TLN2: variants seen among roughly 807,000 people sequenced by gnomAD.
TLN2 encodes talin-2.
TLN2 carries 118 observed loss-of-function variants against 294.7 expected under a neutral mutation model. The observed-to-expected ratio is 0.40, with a 90% CI of 0.34 to 0.47. The LOEUF (loss-of-function observed/expected upper bound fraction) is 0.47, where lower values mean the gene tolerates loss of function less well. TLN2 is among the 20% of genes least tolerant of loss of function. TLN2 has a pLI of 0.84. For missense variants in TLN2, 3,083 were observed against 3,282.2 expected (o/e 0.94, Z 1.48); for synonymous variants, 1,431 against 1,304.5 (o/e 1.10, Z -2.09).
At chr15:62,590,709 G>C (rs1427120561) in intron 2 of TLN2, among the ~76,000 whole-genome samples, 3 of 152,170 alleles carry the variant, frequency 2.0e-5, no homozygotes, top group African/African-American at 4.8e-5. Flanking sequence ...TCCTGGGGGG[G>C]TTGTGTGATC....
intron 12 of TLN2, among the ~76,000 whole-genome samples, chr15:62,690,886 C>T (rs1198396762): frequency 6.6e-5 from 10 of 151,818 alleles, no homozygotes; most frequent in East Asian, 5.8e-4. Context: ...TGGCGGTGCG[C>T]GCCTGCAATC....
At chr15:62,405,799 T>A (rs1595734327) in intron 1 of TLN2, among the ~76,000 whole-genome samples, 1 of 152,158 alleles carries the variant, frequency 6.6e-6, no homozygotes, top group African/African-American at 2.4e-5. Flanking sequence ...GGGATGGATT[T>A]TAACAGTAAT....
intron 1 of TLN2, among the ~76,000 whole-genome samples, chr15:62,409,381 A>G (rs2033625758): frequency 6.6e-6 from 1 of 152,218 alleles, no homozygotes; most frequent in African/African-American, 2.4e-5. Context: ...CAGTAGGGTT[A>G]TAAATACTGT....
chr15:62,617,349 CATTCCTTGG>C (rs1443322352), intron 2 of TLN2, among the ~76,000 whole-genome samples: 1 of 152,090 alleles, frequency 6.6e-6, no homozygotes, highest in Non-Finnish European at 1.5e-5. Flanking sequence ...CTCCTGGAAC[CATTCCTTGG>C]ATTCCTTGGT....
chr15:62,514,871 C>G (rs979012848), intron 1 of TLN2, among the ~76,000 whole-genome samples: 1 of 152,138 alleles, frequency 6.6e-6, no homozygotes, highest in Non-Finnish European at 1.5e-5. Context: ...AAACTTTCAA[C>G]TTTCCCAGAA....
At position 62,842,560 on chromosome 15, in the gene TLN2, A is replaced by G. The variant is rs754141269; in HGVS notation, c.*1950A>G. ...AGCCCACCCCACCCTCTGCTCTTCTATGCTGTGCCCAGGGCAGCTGCCCTC... is the reference window on the plus strand; with the variant it reads ...AGCCCACCCCACCCTCTGCTCTTCTGTGCTGTGCCCAGGGCAGCTGCCCTC... On this transcript the variant is annotated 3_prime_UTR_variant, in exon 59 of 59. Transcript: ENST00000636159. 1 of 133,314 alleles carries G rather than the reference A, an allele frequency of 7.5e-6. No homozygotes were observed. The highest frequency in any genetic ancestry group is 2.9e-5 in the African/African-American group (1 of 34,154). The allele number at this position is 133,314 out of a possible 1,614,324, so 8.3% of individuals were successfully genotyped here. A position where few individuals can be genotyped will look rare whatever the true frequency, so the allele number is the denominator to read the frequency against.
intron 2 of TLN2, among the ~76,000 whole-genome samples, chr15:62,608,409 A>G (rs2047631110): frequency 6.6e-6 from 1 of 152,144 alleles, no homozygotes; most frequent in African/African-American, 2.4e-5. Flanking sequence ...ACTGGCTGGG[A>G]TGTGGAGAGT....
chr15:62,768,362 C>T (rs953234001), intron 41 of TLN2, among the ~76,000 whole-genome samples: 2 of 152,176 alleles, frequency 1.3e-5, no homozygotes, highest in South Asian at 2.1e-4. Flanking sequence ...CCTTGACTGT[C>T]GCGCTGATCC....
chr15:62,652,922 C>G (rs1323007774), intron 6 of TLN2, among the ~76,000 whole-genome samples: 1 of 151,872 alleles, frequency 6.6e-6, no homozygotes, highest in Non-Finnish European at 1.5e-5. Flanking sequence ...TTTAAAAATT[C>G]GTTTTTGAAA....
At chr15:62,775,291 C>A (rs1249780710) in intron 42 of TLN2, among the ~76,000 whole-genome samples, 2 of 152,290 alleles carry the variant, frequency 1.3e-5, no homozygotes, top group Non-Finnish European at 2.9e-5. Flanking sequence ...CTCCCTTTCA[C>A]CTTCTGTACG....
rs73429760 is a variant in TLN2, at chr15:62,580,701, G to C, written c.-237-8986G>C. On this transcript the variant is annotated intron_variant, in intron 1 of 58. Transcript: ENST00000636159. ...GCTGGGATTATAGGCATGCACCACT[G>C]CACCTGGCTAGGGTTTATTCTTGGT... Among the ~76,000 whole-genome samples the C allele has an allele frequency of 7.4e-3, 1,131 of 151,910 alleles. 13 individuals are homozygous for C. The highest frequency in any genetic ancestry group is 0.026 in the African/African-American group (1,079 of 41,442).
intron 32 of TLN2, among the ~76,000 whole-genome samples, chr15:62,748,110 A>C (rs535235032): frequency 4.6e-5 from 7 of 152,230 alleles, no homozygotes; most frequent in Admixed American, 4.6e-4. Context: ...TCAAAGGTCA[A>C]CTGTATTAGG....
intron 1 of TLN2, among the ~76,000 whole-genome samples, chr15:62,561,034 G>T (rs1567100740): frequency 6.6e-6 from 1 of 152,216 alleles, no homozygotes; most frequent in Non-Finnish European, 1.5e-5. Flanking sequence ...GAAGGAAAGG[G>T]AAAAGAAATC....
At chr15:62,679,556 A>G (rs997160216) in intron 11 of TLN2, among the ~76,000 whole-genome samples, 5 of 152,266 alleles carry the variant, frequency 3.3e-5, no homozygotes, top group African/African-American at 1.2e-4. Flanking sequence ...TGAAGTGCCC[A>G]GAAGAGGCAA....
At chr15:62,495,935 A>C (rs2038989695) in intron 1 of TLN2, among the ~76,000 whole-genome samples, 1 of 150,978 alleles carries the variant, frequency 6.6e-6, no homozygotes, top group Non-Finnish European at 1.5e-5. Context: ...CTTATCTGTA[A>C]GTTCTAGGCC....
intron 1 of TLN2, among the ~76,000 whole-genome samples, chr15:62,530,645 A>G (rs2040994826): frequency 1.3e-5 from 2 of 152,168 alleles, no homozygotes; most frequent in Non-Finnish European, 2.9e-5. Context: ...GTGAGCCACC[A>G]TGCCCGGCCC....
At chr15:62,636,621 T>C (rs1435990255) in intron 3 of TLN2, among the ~76,000 whole-genome samples, 1 of 152,236 alleles carries the variant, frequency 6.6e-6, no homozygotes, top group East Asian at 1.9e-4. Context: ...AATGTGCTTT[T>C]GCCTTTTTGA....
At chr15:62,570,935 G>GTGTC (rs1260261689) in intron 1 of TLN2, among the ~76,000 whole-genome samples, 5 of 151,020 alleles carry the variant, frequency 3.3e-5, no homozygotes, top group African/African-American at 1.2e-4. Flanking sequence ...GTGTGTGTGT[G>GTGTC]TGTGTGTGTA....
Position 62,510,987 on chromosome 15 carries a change from C to T in TLN2, c.-237-78700C>T, listed in dbSNP as rs186533429. 1.6e-3 allele frequency among the ~76,000 whole-genome samples: 245 copies of T among 152,316 alleles called. 1 individual carries two copies. Among genetic ancestry groups the T allele is most frequent in the Non-Finnish European group, 3.0e-3 (207 of 68,030 alleles). On this transcript the variant is annotated intron_variant, in intron 1 of 58. Coordinates refer to ENST00000636159, the MANE Select transcript of TLN2 (RefSeq NM_015059.3). ...CAATTCGAAAGCATTTTGACAAGAA[C>T]GTCTTACAATATTAGTGGCTTGATT...
Sources: allele counts gnomAD v4.1 joint callset (sites outside exome capture counted in the v4.1 genomes callset), GRCh38; gene constraint gnomAD v4.1.1; transcripts MANE v1.5; gene names NCBI Gene and HGNC (gene_info 2026-07-23, HGNC 2026-07-21).